TBC1D1: variants seen among roughly 807,000 people sequenced by gnomAD.
TBC1D1 encodes TBC1 (tre-2/USP6, BUB2, cdc16) domain family, member 1.
TBC1D1 carries 89 observed loss-of-function variants against 125.6 expected under a neutral mutation model. The ratio of observed to expected loss-of-function variants is 0.71; its 90% CI spans 0.60 to 0.85. TBC1D1 has a LOEUF of 0.85. TBC1D1 is among the 40% of genes least tolerant of loss of function. The probability of loss-of-function intolerance (pLI) is 0.00; values close to 1 mark genes in which losing one functional copy is unlikely to be tolerated. For missense variants in TBC1D1, 1,377 were observed against 1,469.2 expected, an observed-to-expected ratio of 0.94 and a Z score of 1.03; for synonymous variants, 565 against 564.1, an observed-to-expected ratio of 1.00 and a Z score of -0.02.
chr4:37,976,009 G>C (rs970557886), intron 2 of TBC1D1, among the ~76,000 whole-genome samples: 2 of 152,088 alleles, frequency 1.3e-5, no homozygotes, highest in African/African-American at 2.4e-5. Flanking sequence ...CTCCCCTTAA[G>C]TGTGGACTAG....
chr4:38,005,490 G>T (rs949091803), intron 2 of TBC1D1, among the ~76,000 whole-genome samples: 3 of 152,162 alleles, frequency 2.0e-5, no homozygotes, highest in African/African-American at 7.2e-5. Flanking sequence ...TCCTTCCCTG[G>T]TGTTTATGTC....
rs553440910 is a variant in TBC1D1 at position 38,005,799 on chromosome 4, C to T, written c.418-8710C>T. Among the ~76,000 whole-genome samples, 3 of 152,332 alleles carry T rather than the reference C, an allele frequency of 2.0e-5. No individual in the cohort carries two copies. The South Asian group carries it at 6.2e-4, about 32-fold the overall frequency. On this transcript the variant is annotated intron_variant, in intron 2 of 19. Transcript: ENST00000261439. Reference sequence around the variant, plus strand: ...GAGCCAGCAAGGCCATGTGACTTCTCAGCTGCCCCAGTCACTGGGGAGCAA... The same window carrying T: ...GAGCCAGCAAGGCCATGTGACTTCTTAGCTGCCCCAGTCACTGGGGAGCAA...
intron 1 of TBC1D1, among the ~76,000 whole-genome samples, chr4:37,901,185 C>T (rs1468325107): frequency 2.6e-5 from 4 of 151,908 alleles, no homozygotes; most frequent in Admixed American, 2.6e-4. Context: ...CAGAAAGAGT[C>T]TCACTCTGTT....
At chr4:37,954,004 A>G (rs1728412674) in intron 2 of TBC1D1, among the ~76,000 whole-genome samples, 1 of 152,224 alleles carries the variant, frequency 6.6e-6, no homozygotes, top group Non-Finnish European at 1.5e-5. Context: ...TAGGCCCATT[A>G]AACTCTGGTC....
At chr4:37,912,736 G>A (rs2152254953) in intron 2 of TBC1D1, among the ~76,000 whole-genome samples, 1 of 152,286 alleles carries the variant, frequency 6.6e-6, no homozygotes, top group South Asian at 2.1e-4. Context: ...TACTATGTGA[G>A]GATGCAGCAA....
At chr4:38,112,141 T>G in intron 15 of TBC1D1, 1 of 910,996 alleles carries the variant, frequency 1.1e-6, no homozygotes, top group Non-Finnish European at 1.3e-6. Flanking sequence ...TGTACAGGTG[T>G]TTTGCTGAAT....
At chr4:38,023,283 G>A (rs1405849315) in intron 6 of TBC1D1, among the ~76,000 whole-genome samples, 2 of 150,368 alleles carry the variant, frequency 1.3e-5, no homozygotes, top group Non-Finnish European at 3.0e-5. Context: ...TAAGCTATAA[G>A]TTTGCAAAGA....
intron 2 of TBC1D1, among the ~76,000 whole-genome samples, chr4:37,929,673 A>G (rs1722851255): frequency 6.6e-6 from 1 of 152,244 alleles, no homozygotes; most frequent in Admixed American, 6.5e-5. Context: ...ATATGGTATC[A>G]ATGAAGATGT....
chr4:37,989,719 A>G (rs1736168240), intron 2 of TBC1D1, among the ~76,000 whole-genome samples: 1 of 152,230 alleles, frequency 6.6e-6, no homozygotes, highest in Non-Finnish European at 1.5e-5. Flanking sequence ...GTTAAGGGGA[A>G]AATGGGGGAG....
intron 2 of TBC1D1, among the ~76,000 whole-genome samples, chr4:37,927,300 C>T (rs937859407): frequency 3.3e-5 from 5 of 152,152 alleles, no homozygotes; most frequent in African/African-American, 9.7e-5. Flanking sequence ...GTGCACTCTC[C>T]TTCTACAAAA....
Position 38,096,131 on chromosome 4 carries a change from A to T in TBC1D1, c.2398+41A>T, listed in dbSNP as rs553709559. 11 of 1,539,132 alleles carry T rather than the reference A, an allele frequency of 7.1e-6. No homozygotes were observed. The East Asian group carries it at 2.3e-4, about 32-fold the overall frequency. On this transcript the variant is annotated intron_variant, in intron 14 of 19. Coordinates refer to ENST00000261439, the MANE Select transcript of TBC1D1 (RefSeq NM_015173.4). ...AAGCATCTAGTCAACCTCACCCCTC[A>T]TTGGTGATTGGGGAGAAGTGTGGAA...
At chr4:38,062,332 C>T (rs1752921239) in intron 12 of TBC1D1, among the ~76,000 whole-genome samples, 1 of 151,056 alleles carries the variant, frequency 6.6e-6, no homozygotes, top group Admixed American at 6.6e-5. Flanking sequence ...ATTCCTTGCT[C>T]ATTTGCAACT....
At chr4:38,127,759 A>G (rs1180999371) in intron 18 of TBC1D1, among the ~76,000 whole-genome samples, 1 of 152,178 alleles carries the variant, frequency 6.6e-6, no homozygotes, top group Non-Finnish European at 1.5e-5. Flanking sequence ...AGAGAGTAAC[A>G]TGCCCGGCCC....
At chr4:38,005,143 T>C (rs1001861138) in intron 2 of TBC1D1, among the ~76,000 whole-genome samples, 2 of 152,142 alleles carry the variant, frequency 1.3e-5, no homozygotes, top group Admixed American at 6.5e-5. Context: ...CTGGTGCTGG[T>C]TTGGATTGGA....
intron 17 of TBC1D1, among the ~76,000 whole-genome samples, chr4:38,120,950 GGAGTATAAAAAC>G (rs1763748796): frequency 6.6e-6 from 1 of 152,140 alleles, no homozygotes; most frequent in Non-Finnish European, 1.5e-5. Flanking sequence ...GGGAGGAGGA[GGAGTATAAAAAC>G]TAAGGGTTTG....
chr4:37,961,138 A>C, intron 2 of TBC1D1: 2 of 1,275,606 alleles, frequency 1.6e-6, no homozygotes, highest in Non-Finnish European at 2.2e-6. Context: ...AGTGGGTCAT[A>C]TTCCTCTTTA....
chr4:37,989,131 A>G (rs1382691563), intron 2 of TBC1D1, among the ~76,000 whole-genome samples: 2 of 152,186 alleles, frequency 1.3e-5, no homozygotes, highest in African/African-American at 4.8e-5. Context: ...TTGAACCAGG[A>G]GAGAATTAAC....
intron 2 of TBC1D1, chr4:37,960,320 A>T: frequency 1.0e-6 from 1 of 972,402 alleles, no homozygotes; most frequent in Non-Finnish European, 1.5e-6. Context: ...ATGATGTGCT[A>T]GGCACAAAAA....
chr4:37,910,098 A>AT (rs1172166584), intron 2 of TBC1D1, among the ~76,000 whole-genome samples: 4 of 152,222 alleles, frequency 2.6e-5, no homozygotes, highest in Non-Finnish European at 5.9e-5. Flanking sequence ...TAGATGCTTA[A>AT]TTTTTTAAAG....
Sources: allele counts gnomAD v4.1 joint callset (sites outside exome capture counted in the v4.1 genomes callset), GRCh38; gene constraint gnomAD v4.1.1; transcripts MANE v1.5; gene names NCBI Gene and HGNC (gene_info 2026-07-23, HGNC 2026-07-21).